Variants in FNIP2 observed in about 807,000 individuals in gnomAD.
The protein encoded by FNIP2 is folliculin interacting protein 2.
In FNIP2, 32 loss-of-function variants were observed where a neutral mutation model predicts 108.7. The ratio of observed to expected loss-of-function variants is 0.29; its 90% CI spans 0.22 to 0.40. The LOEUF (loss-of-function observed/expected upper bound fraction) is 0.40. Ranked by LOEUF, FNIP2 falls within the 10% of genes least tolerant of loss-of-function variation. FNIP2 has a pLI of 1.00. For synonymous variants in FNIP2, 480 were observed against 496.7 expected (o/e 0.97, Z 0.45); for missense variants, 1,202 against 1,381.6 (o/e 0.87, Z 2.06).
intron 8 of FNIP2, among the ~76,000 whole-genome samples, chr4:158,853,915 G>A (rs1779838760): frequency 6.6e-6 from 1 of 152,188 alleles, no homozygotes; most frequent in Admixed American, 6.5e-5. Context: ...AATTCAAAAA[G>A]CCTGTTTATG....
chr4:158,790,189 A>C (rs1299790864), intron 1 of FNIP2, among the ~76,000 whole-genome samples: 1 of 151,572 alleles, frequency 6.6e-6, no homozygotes, highest in African/African-American at 2.4e-5. Context: ...TAATGTGTAT[A>C]CAAATATTCC....
intron 1 of FNIP2, among the ~76,000 whole-genome samples, chr4:158,811,343 AAAAGGAACT>A (rs908355208): frequency 6.6e-6 from 1 of 152,210 alleles, no homozygotes; most frequent in Non-Finnish European, 1.5e-5. Flanking sequence ...CAAAGGCAGA[AAAAGGAACT>A]TAGTTAAGCT....
At chr4:158,832,411 C>A (rs563331943) in intron 5 of FNIP2, among the ~76,000 whole-genome samples, 10 of 152,104 alleles carry the variant, frequency 6.6e-5, no homozygotes, top group African/African-American at 2.2e-4. Context: ...CCTGGGAAAT[C>A]AAAAATAAAG....
intron 1 of FNIP2, chr4:158,795,871 G>A (rs2126463300): frequency 6.6e-6 from 1 of 152,392 alleles, no homozygotes; most frequent in African/African-American, 2.4e-5. Flanking sequence ...ATGACCTGAG[G>A]TGCAACAGTT....
At chr4:158,863,511 G>C (rs138725891) in intron 12 of FNIP2, among the ~76,000 whole-genome samples, 163 of 152,280 alleles carry the variant, frequency 1.1e-3, no homozygotes, top group Non-Finnish European at 2.0e-3. Context: ...GAGGGAAGCC[G>C]GATGCCACTT....
chr4:158,877,783 G>A (rs1308077668), intron 14 of FNIP2, among the ~76,000 whole-genome samples: 2 of 152,176 alleles, frequency 1.3e-5, no homozygotes, highest in Non-Finnish European at 2.9e-5. Context: ...AAAATCTGAA[G>A]TAGAATTAGC....
chr4:158,882,759 G>A (rs548170001), intron 14 of FNIP2, among the ~76,000 whole-genome samples: 5 of 152,210 alleles, frequency 3.3e-5, no homozygotes, highest in East Asian at 3.9e-4. Flanking sequence ...GATTAAGGGC[G>A]GTGCAAGATG....
chr4:158,869,737 T>A (rs1780824098), intron 13 of FNIP2, among the ~76,000 whole-genome samples: 1 of 152,106 alleles, frequency 6.6e-6, no homozygotes, highest in Non-Finnish European at 1.5e-5. Context: ...ATAGGGAGTT[T>A]AATTTTCTGT....
chr4:158,863,708 G>A (rs566046078), intron 12 of FNIP2, among the ~76,000 whole-genome samples: 1 of 152,320 alleles, frequency 6.6e-6, no homozygotes, highest in South Asian at 2.1e-4. Flanking sequence ...TAAAATGTCT[G>A]TTCCAAAAGA....
rs564207495 is a variant in FNIP2, at chr4:158,791,441, G to C, written c.107+22122G>C. ...TGGGATTACAGGCACCTGCCACCAT[G>C]CCCGGGGCTAAGTTTTGTATTTTTA... On this transcript the variant is annotated intron_variant, in intron 1 of 16. Transcript: ENST00000264433. 9.9e-5 allele frequency among the ~76,000 whole-genome samples: 15 copies of C among 151,800 alleles called. No homozygotes were observed. The South Asian group carries it at 3.1e-3, about 32-fold the overall frequency.
At chr4:158,869,514 C>A in intron 13 of FNIP2, 86 bp downstream of exon 13, 1 of 1,425,846 alleles carries the variant, frequency 7.0e-7, no homozygotes, top group African/African-American at 1.4e-5. Context: ...TTAGCCACTA[C>A]TATTGTCTGC....
At chr4:158,819,444 G>A (rs1428990515) in intron 1 of FNIP2, among the ~76,000 whole-genome samples, 1 of 152,142 alleles carries the variant, frequency 6.6e-6, no homozygotes, top group Non-Finnish European at 1.5e-5. Flanking sequence ...TAAAGCTTCT[G>A]ATAAGAACTT....
intron 1 of FNIP2, among the ~76,000 whole-genome samples, chr4:158,785,087 C>CTTTTTT (rs397805773): frequency 0.017 from 2,123 of 123,078 alleles, 146 homozygotes; most frequent in African/African-American, 0.053. Context: ...TAAAGTTCCT[C>CTTTTTT]TTTTTTTTTT....
intron 1 of FNIP2, among the ~76,000 whole-genome samples, chr4:158,790,738 C>A (rs116600745): frequency 0.062 from 9,454 of 152,044 alleles, 359 homozygotes; most frequent in African/African-American, 0.11. Context: ...CATAGTGAGA[C>A]CTTGTCTCTA....
At chr4:158,889,961 A>G in intron 14 of FNIP2, 2 of 985,374 alleles carry the variant, frequency 2.0e-6, no homozygotes, top group South Asian at 4.7e-5. Flanking sequence ...TGGAGACTGT[A>G]TATATGCATG....
At chr4:158,791,836 T>C (rs1776429770) in intron 1 of FNIP2, among the ~76,000 whole-genome samples, 1 of 152,144 alleles carries the variant, frequency 6.6e-6, no homozygotes, top group Non-Finnish European at 1.5e-5. Context: ...AGTGCAAGCA[T>C]GACACATATA....
chr4:158,818,830 A>G (rs1777719550), intron 1 of FNIP2, among the ~76,000 whole-genome samples: 2 of 152,190 alleles, frequency 1.3e-5, no homozygotes, highest in Non-Finnish European at 2.9e-5. Context: ...GCATTTTGGG[A>G]AAGCTCAGCG....
At chr4:158,804,711 A>T (rs1273809733) in intron 1 of FNIP2, among the ~76,000 whole-genome samples, 1 of 152,178 alleles carries the variant, frequency 6.6e-6, no homozygotes, top group African/African-American at 2.4e-5. Context: ...AGTAGTTTTC[A>T]TAGTGCTTGT....
intron 15 of FNIP2, chr4:158,893,322 T>C (rs766701416): frequency 1.7e-5 from 3 of 179,550 alleles, no homozygotes; most frequent in Non-Finnish European, 3.5e-5. Flanking sequence ...AACCATGTAC[T>C]CTTTCAAAGC....
Sources: allele counts gnomAD v4.1 joint callset (sites outside exome capture counted in the v4.1 genomes callset), GRCh38; gene constraint gnomAD v4.1.1; transcripts MANE v1.5; gene names NCBI Gene and HGNC (gene_info 2026-07-23, HGNC 2026-07-21).